Variants in PCDHA7 observed in about 807,000 individuals in gnomAD.
PCDHA7 encodes the protein protocadherin alpha 7, also known as protocadherin alpha-7.
Under a neutral mutation model 57.2 loss-of-function variants are expected in PCDHA7, and 37 were observed. The observed-to-expected ratio is 0.65, with a 90% CI of 0.50 to 0.85. The LOEUF (loss-of-function observed/expected upper bound fraction) is 0.85, where lower values mean the gene tolerates loss of function less well. Among genes scored for constraint, PCDHA7 ranks in the 40% least tolerant of loss-of-function variants. The pLI is 0.00. For missense variants in PCDHA7, 1,188 were observed against 1,241.8 expected (o/e 0.96, Z 0.65); for synonymous variants, 553 against 558.8 (o/e 0.99, Z 0.15).
At chr5:140,877,930 C>T (rs2057400413) in intron 1 of PCDHA7, 1 of 1,411,700 alleles carries the variant, frequency 7.1e-7, no homozygotes, top group East Asian at 2.5e-5. Flanking sequence ...CTTTATGATT[C>T]TATCCTTTAA....
chr5:140,964,689 GAGAGATTA>G (rs781865484), intron 1 of PCDHA7, among the ~76,000 whole-genome samples: 4 of 152,008 alleles, frequency 2.6e-5, no homozygotes, highest in Non-Finnish European at 5.9e-5. Context: ...TTGTGCACTT[GAGAGATTA>G]AGGCCTCCGA....
chr5:140,958,468 G>T (rs1554223482), intron 1 of PCDHA7, among the ~76,000 whole-genome samples: 6 of 152,040 alleles, frequency 3.9e-5, no homozygotes, highest in Non-Finnish European at 8.8e-5. Flanking sequence ...ACTTCTGCTG[G>T]CTTAAAGAGC....
chr5:140,841,456 G>T (rs2150315881), intron 1 of PCDHA7: 1 of 1,612,922 alleles, frequency 6.2e-7, no homozygotes, highest in South Asian at 1.1e-5. Context: ...GCACCTTCGT[G>T]GGCCGGATCG....
intron 3 of PCDHA7, among the ~76,000 whole-genome samples, chr5:140,986,174 A>G (rs896771813): frequency 1.3e-5 from 2 of 152,238 alleles, no homozygotes; most frequent in Admixed American, 6.5e-5. Flanking sequence ...CAGGATAAAC[A>G]AGTCAGGCAT....
chr5:140,859,086 G>A (rs1474947917), intron 1 of PCDHA7: 3 of 150,424 alleles, frequency 2.0e-5, no homozygotes, highest in Non-Finnish European at 3.0e-5. Flanking sequence ...CTGTGTCAGT[G>A]TGTATTATTC....
At chr5:140,927,419 G>A (rs781883331) in intron 1 of PCDHA7, 1 of 1,614,140 alleles carries the variant, frequency 6.2e-7, no homozygotes, top group South Asian at 1.1e-5. Flanking sequence ...ATGGGATCGC[G>A]GGTTGACGGC....
intron 3 of PCDHA7, among the ~76,000 whole-genome samples, chr5:140,997,754 G>A (rs1450156263): frequency 6.6e-6 from 1 of 151,922 alleles, no homozygotes; most frequent in Non-Finnish European, 1.5e-5. Context: ...ATCTTCTTGA[G>A]TAAGGATATA....
chr5:140,854,993 C>T lies in PCDHA7; in HGVS notation c.2355+18255C>T, dbSNP rs781816835. Among the ~76,000 whole-genome samples, 37 of 149,404 alleles carry T rather than the reference C, an allele frequency of 2.5e-4. 3 individuals carry two copies. The highest frequency in any genetic ancestry group is 4.7e-4 in the Admixed American group (7 of 14,878). ...AATTATAATTAAGATTCTTTTTGCC[C>T]GTGTAAGATATTATAAAATGAAACT... is the stretch of plus-strand genomic sequence containing the variant. On this transcript the variant is annotated intron_variant, in intron 1 of 3. Coordinates refer to ENST00000525929, the MANE Select transcript of PCDHA7 (RefSeq NM_018910.3).
intron 1 of PCDHA7, chr5:140,884,795 T>C: frequency 7.8e-7 from 1 of 1,280,270 alleles, no homozygotes; most frequent in South Asian, 1.7e-5. Context: ...TGTTATCGAA[T>C]TTAACAACTC....
At chr5:140,888,118 T>C (rs2061702019) in intron 1 of PCDHA7, among the ~76,000 whole-genome samples, 1 of 152,228 alleles carries the variant, frequency 6.6e-6, no homozygotes, top group Non-Finnish European at 1.5e-5. Context: ...TCTATCTTCT[T>C]CTATGGATAT....
chr5:140,841,081 A>G (rs2150310957), intron 1 of PCDHA7: 5 of 541,186 alleles, frequency 9.2e-6, no homozygotes, highest in East Asian at 3.1e-5. Context: ...TAGAAAGTGC[A>G]TAGAAGAACC....
At chr5:140,864,745 T>G (rs528957668) in intron 1 of PCDHA7, 1 of 152,328 alleles carries the variant, frequency 6.6e-6, no homozygotes, top group Non-Finnish European at 1.5e-5. Flanking sequence ...GAGCACCGAT[T>G]ATACTCATTT....
At chr5:140,990,836 C>G (rs1358432111) in intron 3 of PCDHA7, among the ~76,000 whole-genome samples, 1 of 152,120 alleles carries the variant, frequency 6.6e-6, no homozygotes, top group East Asian at 1.9e-4. Context: ...AGCCTATTAG[C>G]AAAAATAGAG....
At chr5:140,909,502 G>A (rs1583705871) in intron 1 of PCDHA7, among the ~76,000 whole-genome samples, 2 of 152,180 alleles carry the variant, frequency 1.3e-5, no homozygotes. Flanking sequence ...CGGGGATGTG[G>A]TGGGAATCAC....
chr5:140,889,760 A>T (rs1228592233), intron 1 of PCDHA7, among the ~76,000 whole-genome samples: 1 of 152,158 alleles, frequency 6.6e-6, no homozygotes, highest in Admixed American at 6.5e-5. Flanking sequence ...CTTTCCTTGA[A>T]CTTTGACTGG....
At chr5:140,930,245 C>T (rs1355884137) in intron 1 of PCDHA7, 2 of 152,164 alleles carry the variant, frequency 1.3e-5, no homozygotes, top group African/African-American at 4.8e-5. Flanking sequence ...AAAGTCCATT[C>T]AACTTGGATT....
intron 1 of PCDHA7, chr5:140,841,829 T>C (rs1470654104): frequency 1.9e-6 from 3 of 1,613,780 alleles, no homozygotes; most frequent in Non-Finnish European, 2.5e-6. Context: ...CGTGTTAACC[T>C]ACAGGCTTAG....
intron 1 of PCDHA7, among the ~76,000 whole-genome samples, chr5:140,939,456 T>C (rs1554212738): frequency 6.6e-6 from 1 of 152,206 alleles, no homozygotes; most frequent in Non-Finnish European, 1.5e-5. Flanking sequence ...GTGAAATTTA[T>C]AGGCCTAGAA....
At position 140,877,676 on chromosome 5, in the gene PCDHA7, G is replaced by A. The variant is rs781985023; in HGVS notation, c.2355+40938G>A. ...CCCACCGTGAGCCGGTGCGCGCCGG[G>A]CAAGCCCACGCTGGTGTGCTCCAGC... On this transcript the variant is annotated intron_variant, in intron 1 of 3. Coordinates refer to ENST00000525929, the MANE Select transcript of PCDHA7 (RefSeq NM_018910.3). The A allele has an allele frequency of 8.7e-6, 14 of 1,613,488 alleles. No homozygotes were observed. The African/African-American group carries it at 1.2e-4, about 14-fold the overall frequency.
Sources: allele counts gnomAD v4.1 joint callset (sites outside exome capture counted in the v4.1 genomes callset), GRCh38; gene constraint gnomAD v4.1.1; transcripts MANE v1.5; gene names NCBI Gene and HGNC (gene_info 2026-07-23, HGNC 2026-07-21).